The following JAKMIP2 variants were observed in gnomAD, a reference collection of about 807,000 sequenced individuals.
JAKMIP2 encodes janus kinase and microtubule interacting protein 2, also known as janus kinase and microtubule-interacting protein 2.
JAKMIP2 carries 25 observed loss-of-function variants against 115.0 expected under a neutral mutation model. That is an observed-to-expected ratio of 0.22 (90% CI 0.16 to 0.30). The LOEUF is 0.30. Ranked by LOEUF, JAKMIP2 falls within the 10% of genes least tolerant of loss-of-function variation. JAKMIP2 has a pLI of 1.00. For synonymous variants in JAKMIP2, 334 were observed against 343.6 expected (o/e 0.97, Z 0.31); for missense variants, 642 against 957.6 (o/e 0.67, Z 4.35).
At chr5:147,678,566 T>C (rs1760095721) in intron 1 of JAKMIP2, among the ~76,000 whole-genome samples, 1 of 152,178 alleles carries the variant, frequency 6.6e-6, no homozygotes, top group South Asian at 2.1e-4. Context: ...TTGGTTATTC[T>C]GAATAATAGC....
At chr5:147,746,478 T>C (rs1754349968) in intron 1 of JAKMIP2, among the ~76,000 whole-genome samples, 2 of 151,848 alleles carry the variant, frequency 1.3e-5, no homozygotes, top group African/African-American at 4.8e-5. Flanking sequence ...CAAATGAATA[T>C]ATGTAAATAT....
intron 1 of JAKMIP2, among the ~76,000 whole-genome samples, chr5:147,710,296 A>T (rs1580815509): frequency 6.6e-6 from 1 of 152,162 alleles, no homozygotes; most frequent in Admixed American, 6.6e-5. Context: ...GCTTTATAAC[A>T]TTATTGTGAT....
intron 1 of JAKMIP2, among the ~76,000 whole-genome samples, chr5:147,712,572 G>A (rs899689416): frequency 1.3e-5 from 2 of 152,058 alleles, no homozygotes; most frequent in African/African-American, 2.4e-5. Flanking sequence ...ACAATATTAC[G>A]GAGGGCTGCA....
chr5:147,597,577 C>G (rs1377765089), intron 21 of JAKMIP2, among the ~76,000 whole-genome samples: 2 of 152,170 alleles, frequency 1.3e-5, no homozygotes, highest in Admixed American at 6.5e-5. Context: ...ATGAGCAAAA[C>G]TGGTGCTGTC....
rs368841711 is a variant in JAKMIP2 at position 147,632,739 on chromosome 5, C to T, written c.1717G>A (p.Glu573Lys). 6.2e-7 allele frequency: 1 copy of T among 1,613,474 alleles called. No homozygotes were observed. The highest frequency in any genetic ancestry group is 8.5e-7 in the Non-Finnish European group (1 of 1,179,586). The change falls in exon 13 of 22, where the codon GAA becomes AAA. Residue 573 changes from glutamate (E) to lysine (K), a missense_variant. By Grantham distance (56) the Glu-to-Lys change is moderately conservative. Around this residue, in one of 6 missense-constraint regions of JAKMIP2, gnomAD observed 103 missense variants for 177.6 expected, o/e 0.58. Coordinates refer to ENST00000616793, the MANE Select transcript of JAKMIP2 (RefSeq NM_001270941.2). ...TTCTGGTCTCTGGCGTCCTGTAGTT[C>T]TTGTTGTAACCGGTGATTTTCTGCC... The part of the protein sequence containing the change: ...QEAENHRLQQ[E>K]LQDARDQNEL...
chr5:147,639,765 A>G lies in JAKMIP2; in HGVS notation c.1402-5T>C, dbSNP rs769616725. 62 of 1,602,094 alleles carry G rather than the reference A, an allele frequency of 3.9e-5. No homozygotes were observed. In the South Asian group the frequency reaches 6.8e-4, roughly 17 times the overall value. ...AGATTCTTCAGCTGCTAAACTCTTG[A>G]GGTTAAGAAAAAAAGCCCCAAAACA... On this transcript the variant is annotated splice_region_variant and splice_polypyrimidine_tract_variant and intron_variant, in intron 9 of 21. Coordinates refer to ENST00000616793, the MANE Select transcript of JAKMIP2 (RefSeq NM_001270941.2).
intron 20 of JAKMIP2, among the ~76,000 whole-genome samples, 168 bp from the exon 21 acceptor site, chr5:147,601,979 G>T (rs1755720247): frequency 6.6e-6 from 1 of 152,156 alleles, no homozygotes; most frequent in Admixed American, 6.6e-5. Context: ...GCTACTGACA[G>T]AGTATCAGTG....
intron 21 of JAKMIP2, among the ~76,000 whole-genome samples, chr5:147,596,784 A>AGT (rs1432910104): frequency 6.6e-6 from 1 of 152,214 alleles, no homozygotes; most frequent in East Asian, 1.9e-4. Context: ...TATTTACACA[A>AGT]AAAGGAATTA....
chr5:147,595,814 AT>A (rs1344458176), intron 21 of JAKMIP2, among the ~76,000 whole-genome samples: 1 of 152,202 alleles, frequency 6.6e-6, no homozygotes, highest in Non-Finnish European at 1.5e-5. Flanking sequence ...GGTATTTGGT[AT>A]ACAAGGTTGA....
chr5:147,595,903 T>A (rs911538369), intron 21 of JAKMIP2, among the ~76,000 whole-genome samples: 1 of 152,084 alleles, frequency 6.6e-6, no homozygotes, highest in Non-Finnish European at 1.5e-5. Flanking sequence ...AAATGTGTAT[T>A]TATATATATA....
At chr5:147,704,213 TTTA>T (rs1489357229) in intron 1 of JAKMIP2, among the ~76,000 whole-genome samples, 1 of 152,162 alleles carries the variant, frequency 6.6e-6, no homozygotes, top group Non-Finnish European at 1.5e-5. Flanking sequence ...AACATAGTCT[TTTA>T]TTATCATTAT....
At position 147,664,046 on chromosome 5, in the gene JAKMIP2, A is replaced by C. The variant is rs915898363; in HGVS notation, c.130-2601T>G. ...GTTTTTATATTGCTTACATATTGAA[A>C]CTATAATGTTTTGGATAAATTATTC... On this transcript the variant is annotated intron_variant, in intron 2 of 21. Coordinates refer to ENST00000616793, the MANE Select transcript of JAKMIP2 (RefSeq NM_001270941.2). Among the ~76,000 whole-genome samples the C allele has an allele frequency of 2.0e-5, 3 of 152,230 alleles. No homozygotes were observed. In the East Asian group the frequency reaches 5.8e-4, roughly 29 times the overall value.
At chr5:147,616,622 C>A (rs768668661) in intron 19 of JAKMIP2, among the ~76,000 whole-genome samples, 7 of 152,072 alleles carry the variant, frequency 4.6e-5, no homozygotes, top group Admixed American at 2.0e-4. Flanking sequence ...ACATTTTTAT[C>A]CCCTGCTAGA....
chr5:147,625,566 C>T (rs1309368990), intron 16 of JAKMIP2, among the ~76,000 whole-genome samples: 1 of 152,152 alleles, frequency 6.6e-6, no homozygotes, highest in Non-Finnish European at 1.5e-5. Flanking sequence ...ATCTTGCTTG[C>T]TGTCCATTTG....
At chr5:147,697,125 A>G (rs1195715420) in intron 1 of JAKMIP2, among the ~76,000 whole-genome samples, 1 of 152,208 alleles carries the variant, frequency 6.6e-6, no homozygotes, top group African/African-American at 2.4e-5. Flanking sequence ...TAATAAAAAC[A>G]TACCTGAGAC....
intron 1 of JAKMIP2, among the ~76,000 whole-genome samples, chr5:147,770,167 A>G (rs953247393): frequency 6.6e-6 from 1 of 152,010 alleles, no homozygotes; most frequent in African/African-American, 2.4e-5. Context: ...TATTTTTTCT[A>G]TATCACTAAA....
chr5:147,722,149 TA>T (rs1753337282), intron 1 of JAKMIP2, among the ~76,000 whole-genome samples: 1 of 152,178 alleles, frequency 6.6e-6, no homozygotes, highest in Non-Finnish European at 1.5e-5. Flanking sequence ...TATAACATTT[TA>T]AAAAATCAAC....
At position 147,671,632 on chromosome 5, in the gene JAKMIP2, G is replaced by C. The variant is rs779983270; in HGVS notation, c.129+46C>G. 3 of 1,352,760 alleles carry C rather than the reference G, an allele frequency of 2.2e-6. No homozygotes were observed. In the African/African-American group the frequency reaches 4.5e-5, roughly 20 times the overall value. 83.8% of individuals were successfully genotyped at this position (1,352,760 alleles called of 1,614,324 possible). On this transcript the variant is annotated intron_variant, in intron 2 of 21. Transcript: ENST00000616793. ...GCTGTGCTCGCTGCATGTGGACACA[G>C]CCAGAGCTGCTCTTAATGCCACGAC...
At chr5:147,772,254 T>C (rs1755387052) in intron 1 of JAKMIP2, among the ~76,000 whole-genome samples, 1 of 152,170 alleles carries the variant, frequency 6.6e-6, no homozygotes, top group Admixed American at 6.6e-5. Flanking sequence ...CAAATCATAC[T>C]GTTGAAATGT....
Sources: allele counts gnomAD v4.1 joint callset (sites outside exome capture counted in the v4.1 genomes callset), GRCh38; gene constraint gnomAD v4.1.1; regional missense constraint gnomAD v4.1.1; transcripts MANE v1.5; gene names NCBI Gene and HGNC (gene_info 2026-07-23, HGNC 2026-07-21).